Variants in ZDHHC15 observed in about 807,000 individuals in gnomAD.
ZDHHC15 encodes palmitoyltransferase ZDHHC15.
In ZDHHC15, 19 loss-of-function variants were observed where a neutral mutation model predicts 31.7. The ratio of observed to expected loss-of-function variants is 0.60; its 90% CI spans 0.42 to 0.88. The LOEUF is 0.88. Ranked by LOEUF, ZDHHC15 falls within the 40% of genes least tolerant of loss-of-function variation. The pLI, the probability that ZDHHC15 is intolerant of heterozygous loss-of-function variation, is 0.00. For missense variants in ZDHHC15, 209 were observed against 251.2 expected, an observed-to-expected ratio of 0.83 and a Z score of 1.14; for synonymous variants, 103 against 90.0, an observed-to-expected ratio of 1.14 and a Z score of -0.82.
chrX:75,449,197 TCTATACACAC>T (rs1481753348), intron 4 of ZDHHC15, among the ~76,000 whole-genome samples: 4,116 of 36,043 alleles, frequency 0.11, 332 homozygotes, highest in East Asian at 0.52. Context: ...TCTCTCTCTC[TCTATACACAC>T]ACACACACAC....
At chrX:75,399,661 G>A (rs1038640511) in intron 10 of ZDHHC15, among the ~76,000 whole-genome samples, 3 of 111,426 alleles carry the variant, frequency 2.7e-5, no homozygotes, top group African/African-American at 9.8e-5. Flanking sequence ...GAGCTCCAGT[G>A]GGCAGCCCAA....
chrX:75,500,688 G>A (rs980919607), intron 2 of ZDHHC15, among the ~76,000 whole-genome samples: 6 of 109,401 alleles, frequency 5.5e-5, no homozygotes, highest in African/African-American at 1.6e-4. Flanking sequence ...GAGTGGGTTA[G>A]CATCTAAGGG....
chrX:75,517,470 A>G (rs1602778614), intron 1 of ZDHHC15, among the ~76,000 whole-genome samples: 1 of 107,801 alleles, frequency 9.3e-6, no homozygotes, highest in East Asian at 2.9e-4. Flanking sequence ...CATCATTCTC[A>G]GCAAACTATC....
chrX:75,491,717 A>T (rs916110721), intron 2 of ZDHHC15, among the ~76,000 whole-genome samples: 7 of 111,319 alleles, frequency 6.3e-5, no homozygotes, highest in Admixed American at 1.9e-4. Context: ...GGAGAAATAA[A>T]ATCCTTTACA....
rs2084431600 is a variant in ZDHHC15 at position 75,467,821 on chromosome X, T to A, written c.258+11070A>T. ...CAATTCAGTAGCATTTAGTACAGAG[T>A]GTTGTGCAACCATTACCGCTATCTA... On this transcript the variant is annotated intron_variant, in intron 3 of 11. Coordinates refer to ENST00000373367, the MANE Select transcript of ZDHHC15 (RefSeq NM_144969.3). 3.6e-5 allele frequency among the ~76,000 whole-genome samples: 4 copies of A among 111,331 alleles called. No homozygotes were observed. In the South Asian group the frequency reaches 1.5e-3, roughly 42 times the overall value.
chrX:75,399,495 C>T (rs1008988538), intron 10 of ZDHHC15, among the ~76,000 whole-genome samples: 2 of 111,922 alleles, frequency 1.8e-5, no homozygotes, highest in Non-Finnish European at 1.9e-5. Context: ...AACCCTTCAC[C>T]TTGGGCTGAC....
At chrX:75,406,588 C>A (rs2083413472) in intron 10 of ZDHHC15, among the ~76,000 whole-genome samples, 1 of 109,095 alleles carries the variant, frequency 9.2e-6, no homozygotes, top group Non-Finnish European at 1.9e-5. Context: ...AATAGGAAAA[C>A]CTTGAAGAAA....
intron 2 of ZDHHC15, among the ~76,000 whole-genome samples, chrX:75,484,103 A>G: frequency 8.9e-6 from 1 of 112,355 alleles, no homozygotes; most frequent in South Asian, 3.6e-4. Flanking sequence ...AGATGCATCA[A>G]TCTGCTGTAC....
intron 10 of ZDHHC15, among the ~76,000 whole-genome samples, chrX:75,390,401 A>G (rs2083229648): frequency 9.0e-6 from 1 of 111,682 alleles, no homozygotes; most frequent in South Asian, 3.8e-4. Context: ...TTGGGTGAGA[A>G]TCAGTGCTGT....
intron 2 of ZDHHC15, among the ~76,000 whole-genome samples, chrX:75,483,416 A>T (rs1431413646): frequency 9.1e-6 from 1 of 110,029 alleles, no homozygotes; most frequent in Admixed American, 9.8e-5. Context: ...CTACAAAAAA[A>T]ATTATCTGGG....
intron 11 of ZDHHC15, among the ~76,000 whole-genome samples, chrX:75,374,938 A>G (rs1278422574): frequency 3.6e-5 from 4 of 111,038 alleles, no homozygotes; most frequent in Non-Finnish European, 7.5e-5. Flanking sequence ...TGCAGAAGAA[A>G]ACCTTTGGGA....
At chrX:75,437,965 A>G (rs1042057055) in intron 4 of ZDHHC15, among the ~76,000 whole-genome samples, 4 of 111,248 alleles carry the variant, frequency 3.6e-5, no homozygotes, top group South Asian at 3.8e-4. Flanking sequence ...AAAAGTGGGC[A>G]AAGGACATGA....
intron 4 of ZDHHC15, among the ~76,000 whole-genome samples, chrX:75,446,823 T>A (rs1454746468): frequency 9.0e-6 from 1 of 111,105 alleles, no homozygotes; most frequent in African/African-American, 3.3e-5. Context: ...TTCATGAGGG[T>A]TCTACACTTA....
intron 10 of ZDHHC15, among the ~76,000 whole-genome samples, chrX:75,412,217 T>C (rs1454969736): frequency 1.8e-5 from 2 of 110,831 alleles, no homozygotes; most frequent in Non-Finnish European, 3.8e-5. Context: ...AGTATGGAGG[T>C]TCTTCAAAAA....
intron 8 of ZDHHC15, 77 bp downstream of exon 8, chrX:75,424,575 T>A (rs370935140): frequency 1.6e-5 from 17 of 1,035,534 alleles, no homozygotes; most frequent in African/African-American, 1.2e-4. Flanking sequence ...TCACTGGAAG[T>A]TTTAATTGGG....
chrX:75,372,599 A>C lies in ZDHHC15; in HGVS notation c.*379T>G, dbSNP rs1486499500. ...CAAAAAGGCCCTATATATGTGATTA[A>C]TAATCTTTGTGGGGGAATTAAAGAC... On this transcript the variant is annotated 3_prime_UTR_variant, in exon 12 of 12. Coordinates refer to ENST00000373367, the MANE Select transcript of ZDHHC15 (RefSeq NM_144969.3). The C allele has an allele frequency of 9.0e-6, 1 of 111,537 alleles. No homozygotes were observed. The highest frequency in any genetic ancestry group is 1.9e-5 in the Non-Finnish European group (1 of 53,078). 9.2% of individuals were successfully genotyped at this position (111,537 alleles called of 1,213,427 possible).
At chrX:75,395,505 A>G (rs1042899111) in intron 10 of ZDHHC15, among the ~76,000 whole-genome samples, 3 of 111,564 alleles carry the variant, frequency 2.7e-5, no homozygotes, top group African/African-American at 6.5e-5. Flanking sequence ...AGTGAAAAAT[A>G]TCTACAAGAA....
rs147244313 is a variant in ZDHHC15 at position 75,395,950 on chromosome X, G to T, written c.968-16752C>A. Among the ~76,000 whole-genome samples the T allele has an allele frequency of 3.7e-3, 411 of 112,281 alleles. 1 individual carries two copies. Among genetic ancestry groups the T allele is most frequent in the African/African-American group, 0.011 (330 of 30,943 alleles). On this transcript the variant is annotated intron_variant, in intron 10 of 11. Coordinates refer to ENST00000373367, the MANE Select transcript of ZDHHC15 (RefSeq NM_144969.3). The stretch of plus-strand genomic sequence containing the variant: ...GAAAACTGGATATCCATATGCAGAA[G>T]AATGAAACTACACCCTTACCTCTTT...
chrX:75,459,513 C>A (rs1364134969), intron 3 of ZDHHC15, among the ~76,000 whole-genome samples: 5 of 111,309 alleles, frequency 4.5e-5, no homozygotes, highest in Non-Finnish European at 7.5e-5. Context: ...GAGGAAGGAC[C>A]CCCCAACAGT....
Sources: gnomAD v4.1 joint callset for allele counts (sites outside exome capture counted in the v4.1 genomes callset) on GRCh38, gnomAD v4.1.1 for gene constraint, MANE v1.5 for transcripts, NCBI Gene and HGNC (gene_info 2026-07-23, HGNC 2026-07-21) for gene names.